Variants in ESRRG observed in about 807,000 individuals in gnomAD.
The protein encoded by ESRRG is estrogen-related receptor gamma.
In ESRRG, 13 loss-of-function variants were observed where a neutral mutation model predicts 44.0. The ratio of observed to expected loss-of-function variants is 0.30; its 90% CI spans 0.19 to 0.47. The LOEUF (loss-of-function observed/expected upper bound fraction) is 0.47. ESRRG is among the 20% of genes least tolerant of loss of function. ESRRG has a pLI of 1.00. For missense variants in ESRRG, 395 were observed against 580.6 expected, an observed-to-expected ratio of 0.68 and a Z score of 3.29; for synonymous variants, 215 against 214.6, an observed-to-expected ratio of 1.00 and a Z score of -0.02.
intron 1 of ESRRG, among the ~76,000 whole-genome samples, chr1:217,111,088 A>G (rs1230043659): frequency 6.6e-6 from 1 of 152,198 alleles, no homozygotes; most frequent in Admixed American, 6.5e-5. Context: ...GCCATACAAG[A>G]AAATGTCCTA....
chr1:216,857,370 A>G (rs916992542), intron 2 of ESRRG, among the ~76,000 whole-genome samples: 8 of 151,790 alleles, frequency 5.3e-5, no homozygotes, highest in Non-Finnish European at 8.8e-5. Flanking sequence ...GGGAAAAAAA[A>G]AAAAAAGAAA....
chr1:216,590,132 G>T (rs572602201), intron 3 of ESRRG, among the ~76,000 whole-genome samples: 2 of 151,926 alleles, frequency 1.3e-5, no homozygotes, highest in East Asian at 3.9e-4. Context: ...CAATATCACA[G>T]ATCCTTATCT....
intron 1 of ESRRG, among the ~76,000 whole-genome samples, chr1:216,695,317 C>T (rs1049821168): frequency 1.3e-5 from 2 of 152,028 alleles, no homozygotes; most frequent in African/African-American, 4.8e-5. Flanking sequence ...GAACTAAACA[C>T]ACACACACAC....
At chr1:216,966,467 T>C (rs2070403781) in intron 1 of ESRRG, among the ~76,000 whole-genome samples, 1 of 152,138 alleles carries the variant, frequency 6.6e-6, no homozygotes. Flanking sequence ...GTAATCATCT[T>C]GTAAACAGAA....
intron 1 of ESRRG, among the ~76,000 whole-genome samples, chr1:216,997,488 A>G (rs2076512116): frequency 6.6e-6 from 1 of 152,180 alleles, no homozygotes; most frequent in South Asian, 2.1e-4. Context: ...TAAGGTACAT[A>G]TTGCAGGAAC....
intron 6 of ESRRG, among the ~76,000 whole-genome samples, chr1:216,513,690 TTA>T (rs1291961844): frequency 6.6e-6 from 1 of 152,172 alleles, no homozygotes; most frequent in Non-Finnish European, 1.5e-5. Flanking sequence ...ATTAATATTG[TTA>T]TGTTTACCTT....
At chr1:216,744,256 AATTT>A (rs2091116519) in intron 2 of ESRRG, among the ~76,000 whole-genome samples, 1 of 152,158 alleles carries the variant, frequency 6.6e-6, no homozygotes, top group Non-Finnish European at 1.5e-5. Flanking sequence ...GTGCTAAATC[AATTT>A]ATTTATTTAT....
At chr1:216,560,621 G>A (rs1349549442) in intron 5 of ESRRG, among the ~76,000 whole-genome samples, 43 of 152,050 alleles carry the variant, frequency 2.8e-4, no homozygotes, top group Non-Finnish European at 2.9e-5. Context: ...CTGACTGTTG[G>A]GCTGATAATC....
intron 3 of ESRRG, among the ~76,000 whole-genome samples, chr1:216,575,824 T>C (rs995024363): frequency 6.6e-6 from 1 of 152,046 alleles, no homozygotes; most frequent in Non-Finnish European, 1.5e-5. Context: ...AATACCTGCA[T>C]CATGATATGG....
chr1:216,853,874 A>T (rs2095876816), intron 2 of ESRRG, among the ~76,000 whole-genome samples: 1 of 152,108 alleles, frequency 6.6e-6, no homozygotes, highest in Non-Finnish European at 1.5e-5. Context: ...TTTTCATTGG[A>T]CATACACTTT....
chr1:216,806,184 T>G (rs1252665548), intron 2 of ESRRG, among the ~76,000 whole-genome samples: 1 of 152,222 alleles, frequency 6.6e-6, no homozygotes, highest in Non-Finnish European at 1.5e-5. Context: ...AGCCTTTGTC[T>G]TCTCCAAGTT....
At chr1:216,609,794 T>G (rs1306185881) in intron 3 of ESRRG, among the ~76,000 whole-genome samples, 1 of 152,262 alleles carries the variant, frequency 6.6e-6, no homozygotes, top group African/African-American at 2.4e-5. Context: ...TGTTGTATAT[T>G]CTGGCACTTC....
At chr1:216,902,298 T>A (rs1464212527) in intron 2 of ESRRG, among the ~76,000 whole-genome samples, 6 of 152,066 alleles carry the variant, frequency 3.9e-5, no homozygotes, top group Non-Finnish European at 1.5e-5. Context: ...AGACCAGCCT[T>A]GCCAACATGG....
At chr1:217,106,992 C>G (rs2092605520) in intron 1 of ESRRG, among the ~76,000 whole-genome samples, 1 of 152,154 alleles carries the variant, frequency 6.6e-6, no homozygotes, top group South Asian at 2.1e-4. Flanking sequence ...ACCAGAACAA[C>G]TAAGACAGTT....
chr1:216,616,365 G>A (rs1313712685), intron 3 of ESRRG, among the ~76,000 whole-genome samples: 1 of 152,234 alleles, frequency 6.6e-6, no homozygotes, highest in Non-Finnish European at 1.5e-5. Context: ...CGCAGCTTTA[G>A]CTAATGTCCT....
At chr1:216,507,341 TC>T (rs1343095868) in intron 6 of ESRRG, among the ~76,000 whole-genome samples, 158 bp from the exon 7 acceptor site, 5 of 152,226 alleles carry the variant, frequency 3.3e-5, no homozygotes, top group Non-Finnish European at 7.3e-5. Context: ...AATCTCTATT[TC>T]TTTCCAAATT....
In ESRRG at chr1:216,938,959, T is replaced by C. The variant is rs11572491; in HGVS notation, c.-14+623A>G. ...TGGGTCTAGGATATTAATTGACTAA[T>C]GGATGGTATCCTGGGAATGTTAGTA... is the stretch of plus-strand genomic sequence containing the variant. On this transcript the variant is annotated intron_variant, in intron 2 of 7. Transcript: ENST00000359162. Among the ~76,000 whole-genome samples, 807 of 152,314 alleles carry C rather than the reference T, an allele frequency of 5.3e-3. 7 individuals carry two copies. The highest frequency in any genetic ancestry group is 0.019 in the African/African-American group (794 of 41,582).
chr1:216,803,767 C>CT (rs200985238), intron 2 of ESRRG, among the ~76,000 whole-genome samples: 1,943 of 151,914 alleles, frequency 0.013, 52 homozygotes, highest in African/African-American at 0.044. Flanking sequence ...TACTTTATGT[C>CT]TTTTTTTTAC....
intron 6 of ESRRG, among the ~76,000 whole-genome samples, chr1:216,516,268 G>A (rs1277434813): frequency 1.3e-5 from 2 of 152,102 alleles, no homozygotes; most frequent in Non-Finnish European, 2.9e-5. Flanking sequence ...TGTGAAAACT[G>A]CAGAATTATA....
Sources: gnomAD v4.1 joint callset for allele counts (sites outside exome capture counted in the v4.1 genomes callset) on GRCh38, gnomAD v4.1.1 for gene constraint, MANE v1.5 for transcripts, NCBI Gene and HGNC (gene_info 2026-07-23, HGNC 2026-07-21) for gene names.